Variants in FLT1 observed in about 807,000 individuals in gnomAD.
FLT1 encodes vascular endothelial growth factor receptor 1.
In FLT1, 49 loss-of-function variants were observed where a neutral mutation model predicts 156.3. The observed-to-expected ratio is 0.31, with a 90% CI of 0.25 to 0.40. The LOEUF is 0.40. FLT1 is among the 10% of genes least tolerant of loss of function. FLT1 has a pLI of 1.00. For synonymous variants in FLT1, 594 were observed against 583.8 expected, an observed-to-expected ratio of 1.02 and a Z score of -0.25; for missense variants, 1,322 against 1,637.2, an observed-to-expected ratio of 0.81 and a Z score of 3.32.
chr13:28,490,643 C>T (rs1403655719), intron 1 of FLT1, among the ~76,000 whole-genome samples: 4 of 152,122 alleles, frequency 2.6e-5, no homozygotes. Context: ...TCTTACAAGC[C>T]TCTCCTATAA....
Position 28,473,823 on chromosome 13 carries a change from A to G in FLT1, c.65-6206T>C, listed in dbSNP as rs796506087. Among the ~76,000 whole-genome samples the G allele has an allele frequency of 4.0e-3, 474 of 118,182 alleles. 3 individuals are homozygous for G. The highest frequency in any genetic ancestry group is 5.0e-3 in the African/African-American group (133 of 26,472). The allele number at this position is 118,182 out of a possible 152,430, so 77.5% of individuals were successfully genotyped here. On this transcript the variant is annotated intron_variant, in intron 1 of 29. Transcript: ENST00000282397. ...GAAAGAAAGAAAGAAAGAAAGAAAG[A>G]AAGAAAGAAAGAAAGGAAGAAAGAA...
At position 28,387,653 on chromosome 13, in the gene FLT1, C is replaced by T. The variant is rs551311721; in HGVS notation, c.1969+2143G>A. ...AATGGGGACTGAGGAACCAGCCTCA[C>T]ACCCCCTGTTCCATTTCAATTATTC... On this transcript the variant is annotated intron_variant, in intron 13 of 29. Transcript: ENST00000282397. 2,094 of 1,065,028 alleles carry T rather than the reference C, an allele frequency of 2.0e-3. 1 individual carries two copies. Among genetic ancestry groups the T allele is most frequent in the Non-Finnish European group, 2.3e-3 (1,998 of 879,180 alleles). 66.0% of individuals were successfully genotyped at this position (1,065,028 alleles called of 1,614,324 possible).
intron 11 of FLT1, among the ~76,000 whole-genome samples, chr13:28,402,771 G>A (rs574493474): frequency 2.0e-5 from 3 of 152,086 alleles, no homozygotes; most frequent in South Asian, 2.1e-4. Flanking sequence ...GTTACTTTAC[G>A]TTACGTTACG....
intron 12 of FLT1, among the ~76,000 whole-genome samples, chr13:28,393,657 G>A (rs1284537488): frequency 1.3e-5 from 2 of 152,142 alleles, no homozygotes; most frequent in African/African-American, 2.4e-5. Context: ...TGCCATCATG[G>A]CTCACTGCAG....
At chr13:28,393,984 C>G (rs967420070) in intron 12 of FLT1, among the ~76,000 whole-genome samples, 5 of 152,096 alleles carry the variant, frequency 3.3e-5, no homozygotes, top group Admixed American at 1.3e-4. Flanking sequence ...TTTAGACAGG[C>G]ACTTTTAAAG....
chr13:28,356,009 C>T (rs1872884808), intron 15 of FLT1, among the ~76,000 whole-genome samples: 1 of 152,208 alleles, frequency 6.6e-6, no homozygotes, highest in South Asian at 2.1e-4. Flanking sequence ...TACCCAGGCT[C>T]CTCCCAGGCC....
chr13:28,453,957 G>A (rs1879122332), intron 3 of FLT1, among the ~76,000 whole-genome samples: 1 of 152,024 alleles, frequency 6.6e-6, no homozygotes, highest in Non-Finnish European at 1.5e-5. Flanking sequence ...GGGGTGCCTA[G>A]GGTGCTTCCC....
chr13:28,418,201 G>T (rs1035034998), intron 10 of FLT1, among the ~76,000 whole-genome samples: 5 of 152,112 alleles, frequency 3.3e-5, no homozygotes, highest in African/African-American at 4.8e-5. Context: ...GTCTTATTTA[G>T]ACCTGCTCAT....
intron 16 of FLT1, among the ~76,000 whole-genome samples, chr13:28,344,994 G>A (rs1047707148): frequency 6.6e-6 from 1 of 151,392 alleles, no homozygotes; most frequent in African/African-American, 2.4e-5. Flanking sequence ...GTAGAGTCAG[G>A]GTCTTACTAT....
chr13:28,362,345 G>A (rs1873141651), intron 14 of FLT1, among the ~76,000 whole-genome samples: 1 of 152,214 alleles, frequency 6.6e-6, no homozygotes, highest in African/African-American at 2.4e-5. Context: ...GAAGCTTTGA[G>A]AAGTATAAGA....
At chr13:28,418,163 A>G (rs1280482440) in intron 10 of FLT1, among the ~76,000 whole-genome samples, 1 of 152,148 alleles carries the variant, frequency 6.6e-6, no homozygotes, top group African/African-American at 2.4e-5. Context: ...ATTAACTGTT[A>G]GTTAGACTTG....
At chr13:28,460,824 ACACACG>A (rs1339500598) in intron 3 of FLT1, among the ~76,000 whole-genome samples, 2 of 150,472 alleles carry the variant, frequency 1.3e-5, no homozygotes, top group Non-Finnish European at 3.0e-5. Context: ...ACACACACAC[ACACACG>A]CACGTATGTA....
chr13:28,418,043 T>A (rs1593769671), intron 10 of FLT1, among the ~76,000 whole-genome samples: 1 of 152,092 alleles, frequency 6.6e-6, no homozygotes, highest in Non-Finnish European at 1.5e-5. Flanking sequence ...GAACAATAAA[T>A]GAGAGAATGG....
intron 14 of FLT1, among the ~76,000 whole-genome samples, chr13:28,362,419 A>T (rs1873144271): frequency 6.6e-6 from 1 of 152,224 alleles, no homozygotes; most frequent in Non-Finnish European, 1.5e-5. Flanking sequence ...GGGTCAATGA[A>T]CATTTATAAG....
At chr13:28,416,430 A>G (rs1268046319) in intron 10 of FLT1, among the ~76,000 whole-genome samples, 1 of 152,224 alleles carries the variant, frequency 6.6e-6, no homozygotes, top group Admixed American at 6.5e-5. Context: ...CCTGGTAGTG[A>G]CAAATGATAT....
chr13:28,322,613 T>C lies in FLT1; in HGVS notation c.2953+177A>G. The C allele has an allele frequency of 1.4e-6, 1 of 740,474 alleles. No homozygotes were observed. Among genetic ancestry groups the C allele is most frequent in the Middle Eastern group, 3.3e-4 (1 of 3,028 alleles). 45.9% of individuals were successfully genotyped at this position (740,474 alleles called of 1,614,324 possible). On this transcript the variant is annotated intron_variant, in intron 21 of 29. Coordinates refer to ENST00000282397, the MANE Select transcript of FLT1 (RefSeq NM_002019.4). This position sits in a 1 kb window ranked among gnomAD's most constrained non-coding sequence, Gnocchi z 4.3. Reference sequence around the variant, plus strand: ...GAGGGGAGAAAACGGTACAGTTCCCTGTCAAAATTAGTAACTCTGTAAATT... The same window carrying C: ...GAGGGGAGAAAACGGTACAGTTCCCCGTCAAAATTAGTAACTCTGTAAATT...
At chr13:28,429,927 C>A (rs45496898) in intron 8 of FLT1, 123 bp downstream of exon 8, 2 of 781,368 alleles carry the variant, frequency 2.6e-6, no homozygotes, top group African/African-American at 3.4e-5. Flanking sequence ...GAGTTCTGAG[C>A]TCTCTGGGGC....
chr13:28,483,058 T>C (rs956884847), intron 1 of FLT1, among the ~76,000 whole-genome samples: 58 of 152,172 alleles, frequency 3.8e-4, no homozygotes, highest in Non-Finnish European at 1.2e-4. Flanking sequence ...CATATATTTT[T>C]CTCTAGTTCT....
rs141237496 is a variant in FLT1, at chr13:28,320,154, G to A, written c.3175-620C>T. On this transcript the variant is annotated intron_variant, in intron 23 of 29. Transcript: ENST00000282397. ...CACTTTAGATGATGGGGATTGATGGGAGGTATGGGATAAAGGAGAGACAAG... is the reference window on the plus strand; with the variant it reads ...CACTTTAGATGATGGGGATTGATGGAAGGTATGGGATAAAGGAGAGACAAG... Among the ~76,000 whole-genome samples the A allele has an allele frequency of 4.5e-4, 68 of 152,282 alleles. 3 individuals carry two copies. In the East Asian group the frequency reaches 0.013, roughly 28 times the overall value.
Sources: allele counts gnomAD v4.1 joint callset (sites outside exome capture counted in the v4.1 genomes callset), GRCh38; gene constraint gnomAD v4.1.1; non-coding constraint Gnocchi (gnomAD v3.1); transcripts MANE v1.5; gene names NCBI Gene and HGNC (gene_info 2026-07-23, HGNC 2026-07-21).